The following FGF7 variants were observed in gnomAD, a reference collection of about 807,000 sequenced individuals.
FGF7 encodes fibroblast growth factor 7.
In FGF7, 6 loss-of-function variants were observed where a neutral mutation model predicts 20.5. The observed-to-expected ratio is 0.29, with a 90% CI of 0.16 to 0.58. FGF7 has a LOEUF of 0.58. FGF7 is among the 20% of genes least tolerant of loss of function. FGF7 has a pLI of 0.90. For synonymous variants in FGF7, 64 were observed against 74.7 expected (o/e 0.86, Z 0.74); for missense variants, 144 against 228.8 (o/e 0.63, Z 2.39).
At chr15:49,474,709 C>T (rs2055086223) in intron 2 of FGF7, among the ~76,000 whole-genome samples, 2 of 152,136 alleles carry the variant, frequency 1.3e-5, no homozygotes, top group Admixed American at 6.6e-5. Context: ...AGGAGATGAG[C>T]TGCGGGTGAG....
At chr15:49,425,681 T>C (rs2050064161) in intron 2 of FGF7, among the ~76,000 whole-genome samples, 1 of 151,928 alleles carries the variant, frequency 6.6e-6, no homozygotes, top group South Asian at 2.1e-4. Flanking sequence ...TCTGAACTAA[T>C]CAACCAATCA....
intron 2 of FGF7, among the ~76,000 whole-genome samples, chr15:49,447,683 G>T (rs1243345985): frequency 6.6e-6 from 1 of 151,608 alleles, no homozygotes; most frequent in Non-Finnish European, 1.5e-5. Flanking sequence ...GATGATTTGG[G>T]TAAAACATGC....
chr15:49,447,266 T>C (rs1041273786), intron 2 of FGF7, among the ~76,000 whole-genome samples: 3 of 151,698 alleles, frequency 2.0e-5, no homozygotes, highest in Admixed American at 1.3e-4. Context: ...AGCTTGAGAA[T>C]ATTAACTAAG....
chr15:49,473,101 T>C (rs2054928997), intron 2 of FGF7, among the ~76,000 whole-genome samples: 1 of 152,174 alleles, frequency 6.6e-6, no homozygotes, highest in Non-Finnish European at 1.5e-5. Flanking sequence ...TTCAACTGAA[T>C]ATTTTTTAAA....
At chr15:49,426,122 C>T (rs2050112325) in intron 2 of FGF7, among the ~76,000 whole-genome samples, 1 of 151,622 alleles carries the variant, frequency 6.6e-6, no homozygotes. Context: ...ACACATGGGG[C>T]AACTCCCTGT....
chr15:49,474,634 G>A (rs148628821), intron 2 of FGF7, among the ~76,000 whole-genome samples: 51 of 152,174 alleles, frequency 3.4e-4, no homozygotes, highest in African/African-American at 1.1e-3. Flanking sequence ...TTCGGCAGGA[G>A]CCCCCAACCC....
At position 49,485,084 on chromosome 15, in the gene FGF7, T is replaced by C. The variant is rs900169922; in HGVS notation, c.*580T>C. On this transcript the variant is annotated 3_prime_UTR_variant, in exon 4 of 4. Coordinates refer to ENST00000267843, the MANE Select transcript of FGF7 (RefSeq NM_002009.4). ...CTATTATGAAAGTCAATAAAATAGA[T>C]AATTTAACAAAAGTACAGGATTAGA... 1.3e-4 allele frequency: 20 copies of C among 152,108 alleles called. No individual in the cohort carries two copies. Among genetic ancestry groups the C allele is most frequent in the African/African-American group, 4.8e-4 (20 of 41,420 alleles). 9.4% of individuals were successfully genotyped at this position (152,108 alleles called of 1,614,324 possible). A position where few individuals can be genotyped will look rare whatever the true frequency, so the allele number is the denominator to read the frequency against.
intron 2 of FGF7, among the ~76,000 whole-genome samples, chr15:49,472,897 C>G (rs1207276257): frequency 7.0e-6 from 1 of 143,522 alleles, no homozygotes; most frequent in African/African-American, 2.4e-5. Context: ...AAAGGAGTAT[C>G]TAATTTTTTG....
intron 2 of FGF7, among the ~76,000 whole-genome samples, chr15:49,440,520 T>C (rs918972817): frequency 1.3e-5 from 2 of 151,892 alleles, no homozygotes; most frequent in African/African-American, 4.8e-5. Flanking sequence ...CATAAAATTA[T>C]CTAAAATGAA....
intron 2 of FGF7, among the ~76,000 whole-genome samples, chr15:49,447,832 G>C (rs750985899): frequency 7.3e-5 from 11 of 151,668 alleles, no homozygotes; most frequent in Non-Finnish European, 1.0e-4. Flanking sequence ...TAAAATCCAA[G>C]ATTCACAGAA....
intron 2 of FGF7, among the ~76,000 whole-genome samples, chr15:49,435,735 A>T (rs1011066131): frequency 6.6e-6 from 1 of 151,530 alleles, no homozygotes; most frequent in South Asian, 2.1e-4. Context: ...CTATGTTGTA[A>T]TTTAAAATTT....
At chr15:49,446,725 G>A (rs2052254872) in intron 2 of FGF7, among the ~76,000 whole-genome samples, 1 of 151,512 alleles carries the variant, frequency 6.6e-6, no homozygotes, top group East Asian at 1.9e-4. Flanking sequence ...CAGACCTAGT[G>A]AACAGATAAA....
chr15:49,445,337 G>T (rs115676170), intron 2 of FGF7, among the ~76,000 whole-genome samples: 3,509 of 151,648 alleles, frequency 0.023, 85 homozygotes, highest in South Asian at 0.13. Flanking sequence ...AGTATTCAAT[G>T]TTTAGCTCTT....
intron 2 of FGF7, chr15:49,425,586 G>T (rs542185078): frequency 6.6e-6 from 1 of 151,848 alleles, no homozygotes; most frequent in Non-Finnish European, 1.5e-5. Context: ...TGGGGAGACT[G>T]GTGTAAACAT....
intron 2 of FGF7, among the ~76,000 whole-genome samples, chr15:49,431,924 TAAC>T (rs991662443): frequency 1.5e-4 from 22 of 151,720 alleles, no homozygotes; most frequent in African/African-American, 5.3e-4. Context: ...GAAATTGAAA[TAAC>T]AATTTCAGAT....
chr15:49,477,826 T>C (rs536660843), intron 2 of FGF7, among the ~76,000 whole-genome samples: 1 of 152,364 alleles, frequency 6.6e-6, no homozygotes, highest in African/African-American at 2.4e-5. Context: ...TTTGCATCCT[T>C]GCCAGCATAC....
chr15:49,473,182 G>A (rs150555428), intron 2 of FGF7, among the ~76,000 whole-genome samples: 1,613 of 152,180 alleles, frequency 0.011, 27 homozygotes, highest in African/African-American at 0.037. Flanking sequence ...AAATATGAAT[G>A]CCAGGAATTT....
At chr15:49,471,251 C>T (rs546714266) in intron 2 of FGF7, among the ~76,000 whole-genome samples, 11 of 63,424 alleles carry the variant, frequency 1.7e-4, no homozygotes, top group Admixed American at 7.0e-4. Context: ...TTTGGGAGGC[C>T]GAGGTGGGTG....
chr15:49,436,593 T>C (rs1200354111), intron 2 of FGF7, among the ~76,000 whole-genome samples: 1 of 151,584 alleles, frequency 6.6e-6, no homozygotes, highest in Admixed American at 6.6e-5. Flanking sequence ...ACACTTTATA[T>C]ACATTATTTA....
Sources: gnomAD v4.1 joint callset for allele counts (sites outside exome capture counted in the v4.1 genomes callset) on GRCh38, gnomAD v4.1.1 for gene constraint, MANE v1.5 for transcripts, NCBI Gene and HGNC (gene_info 2026-07-23, HGNC 2026-07-21) for gene names.